Variants in HMCN1 observed in about 807,000 individuals in gnomAD.
The protein encoded by HMCN1 is hemicentin-1.
In HMCN1, 321 loss-of-function variants were observed where a neutral mutation model predicts 625.9. The ratio of observed to expected loss-of-function variants is 0.51; its 90% CI spans 0.47 to 0.56. HMCN1 has a LOEUF of 0.56. HMCN1 is among the 20% of genes least tolerant of loss of function. The pLI is 0.00. For missense variants in HMCN1, 6,588 were observed against 6,887.3 expected (o/e 0.96, Z 1.54); for synonymous variants, 2,425 against 2,417.6 (o/e 1.00, Z -0.09).
At chr1:185,874,545 G>A (rs1663814482) in intron 4 of HMCN1, among the ~76,000 whole-genome samples, 1 of 151,968 alleles carries the variant, frequency 6.6e-6, no homozygotes, top group African/African-American at 2.4e-5. Context: ...GAGATGGTAT[G>A]AGCTACTTTT....
chr1:185,839,528 A>T (rs1661359599), intron 1 of HMCN1, among the ~76,000 whole-genome samples: 1 of 152,178 alleles, frequency 6.6e-6, no homozygotes, highest in Admixed American at 6.5e-5. Flanking sequence ...ATGTCATCTT[A>T]CATTTAGGAT....
intron 20 of HMCN1, among the ~76,000 whole-genome samples, chr1:185,988,082 C>G (rs1652132880): frequency 6.6e-6 from 1 of 152,168 alleles, no homozygotes; most frequent in South Asian, 2.1e-4. Flanking sequence ...CCATTCAAGT[C>G]TCAAGTAGGT....
chr1:185,989,686 C>T, intron 21 of HMCN1, 39 bp downstream of exon 21: 3 of 1,598,534 alleles, frequency 1.9e-6, no homozygotes, highest in Non-Finnish European at 2.6e-6. Context: ...TTGACATTGT[C>T]TATCTGTGCC....
At chr1:186,130,124 A>C (rs1220441427) in intron 84 of HMCN1, 24 bp downstream of exon 84, 1 of 1,612,634 alleles carries the variant, frequency 6.2e-7, no homozygotes, top group Non-Finnish European at 8.5e-7. Flanking sequence ...CTCCATTTTT[A>C]ATTTATAATG....
chr1:186,108,703 A>G, intron 71 of HMCN1, 106 bp downstream of exon 71: 1 of 1,267,294 alleles, frequency 7.9e-7, no homozygotes, highest in Non-Finnish European at 1.1e-6. Context: ...ACATCAGGCT[A>G]CTAATTATTC....
At chr1:186,080,493 G>C (rs1022373541) in intron 55 of HMCN1, among the ~76,000 whole-genome samples, 2 of 152,076 alleles carry the variant, frequency 1.3e-5, no homozygotes, top group African/African-American at 4.8e-5. Flanking sequence ...CTAATGTGTA[G>C]CTGGATTCTA....
In HMCN1 at chr1:186,086,412, G is replaced by A. The variant is rs769831256; in HGVS notation, c.9046+5G>A. The stretch of plus-strand genomic sequence containing the variant: ...CAAATACTCTCATTGTGCCTGGTAA[G>A]GAACTTCTTATTATAAAGCAGGCAA... On this transcript the variant is annotated splice_donor_5th_base_variant and intron_variant, in intron 58 of 106. Coordinates refer to ENST00000271588, the MANE Select transcript of HMCN1 (RefSeq NM_031935.3). 5 of 1,612,614 alleles carry A rather than the reference G, an allele frequency of 3.1e-6. No individual in the cohort carries two copies. Among genetic ancestry groups the A allele is most frequent in the African/African-American group, 2.7e-5 (2 of 74,824 alleles).
At chr1:186,075,005 T>C in intron 53 of HMCN1, 114 bp downstream of exon 53, 1 of 875,264 alleles carries the variant, frequency 1.1e-6, no homozygotes, top group Non-Finnish European at 1.8e-6. Flanking sequence ...TAATATAAAT[T>C]CATGATTGAA....
At chr1:185,926,687 G>A (rs1304616936) in intron 9 of HMCN1, among the ~76,000 whole-genome samples, 2 of 152,104 alleles carry the variant, frequency 1.3e-5, no homozygotes, top group Admixed American at 6.5e-5. Flanking sequence ...ACAAAATTAG[G>A]CATGAGTGAT....
chr1:185,740,465 G>A (rs1404000977), intron 1 of HMCN1, among the ~76,000 whole-genome samples: 1 of 152,148 alleles, frequency 6.6e-6, no homozygotes, highest in Admixed American at 6.5e-5. Context: ...GACAGGTTCT[G>A]AGGATTTGGC....
At position 186,125,661 on chromosome 1, in the gene HMCN1, C is replaced by A; in HGVS notation, c.12557C>A (p.Ala4186Asp). 3 of 1,613,230 alleles carry A rather than the reference C, an allele frequency of 1.9e-6. No individual in the cohort carries two copies. Among genetic ancestry groups the A allele is most frequent in the Non-Finnish European group, 2.5e-6 (3 of 1,179,358 alleles). ...TACACGGTCAATGAGAATTCACAAG[C>A]CATTCTTCCATGCGTAGCTGATGGA... ...GHYTVNENSQ[A>D]ILPCVADGIP... Residue 4186 changes from alanine to aspartate, a missense_variant, in exon 82 of 107, where the codon GCC (alanine) becomes GAC (aspartate). This residue lies in a region of HMCN1 where 1,954 missense variants were observed against 2,013.1 expected (regional missense o/e 0.97). Coordinates refer to ENST00000271588, the MANE Select transcript of HMCN1 (RefSeq NM_031935.3).
At chr1:185,787,122 G>A (rs1156369325) in intron 1 of HMCN1, among the ~76,000 whole-genome samples, 1 of 150,854 alleles carries the variant, frequency 6.6e-6, no homozygotes, top group African/African-American at 2.4e-5. Context: ...AGAGAAAATT[G>A]TATGAAGCGC....
chr1:185,860,520 G>T (rs896840184), intron 2 of HMCN1, among the ~76,000 whole-genome samples: 1 of 151,938 alleles, frequency 6.6e-6, no homozygotes, highest in Non-Finnish European at 1.5e-5. Context: ...ATGTTGCCCA[G>T]GCTGGAAGGG....
At chr1:185,872,610 A>G (rs1270047522) in intron 4 of HMCN1, among the ~76,000 whole-genome samples, 1 of 152,064 alleles carries the variant, frequency 6.6e-6, no homozygotes, top group Non-Finnish European at 1.5e-5. Flanking sequence ...AAATATACCA[A>G]AAGTCAAGCA....
intron 15 of HMCN1, among the ~76,000 whole-genome samples, chr1:185,972,213 T>A (rs974802118): frequency 6.6e-6 from 1 of 152,194 alleles, no homozygotes; most frequent in Non-Finnish European, 1.5e-5. Flanking sequence ...CAGTAATTTT[T>A]CCCAACAAAA....
At chr1:185,989,169 G>A (rs1033045582) in intron 20 of HMCN1, among the ~76,000 whole-genome samples, 5 of 151,736 alleles carry the variant, frequency 3.3e-5, no homozygotes, top group South Asian at 2.1e-4. Context: ...CACCTCGCCC[G>A]GCTAATTTTT....
chr1:186,132,481 T>C, intron 86 of HMCN1, 72 bp downstream of exon 86: 1 of 1,223,160 alleles, frequency 8.2e-7, no homozygotes, highest in Admixed American at 2.0e-5. Flanking sequence ...ATTTATTTTC[T>C]TTAACTCTAT....
intron 1 of HMCN1, among the ~76,000 whole-genome samples, chr1:185,809,849 T>A (rs73072009): frequency 0.058 from 8,897 of 152,148 alleles, 874 homozygotes; most frequent in African/African-American, 0.2. Context: ...TCAAATTCTC[T>A]TCACTACCTA....
At chr1:185,859,613 A>G (rs1456297042) in intron 2 of HMCN1, among the ~76,000 whole-genome samples, 1 of 152,116 alleles carries the variant, frequency 6.6e-6, no homozygotes, top group East Asian at 1.9e-4. Flanking sequence ...GGTAGTGGCT[A>G]CTGTGTTAGT....
Sources: gnomAD v4.1 joint callset for allele counts (sites outside exome capture counted in the v4.1 genomes callset) on GRCh38, gnomAD v4.1.1 for gene constraint, gnomAD v4.1.1 regional missense constraint, MANE v1.5 for transcripts, NCBI Gene and HGNC (gene_info 2026-07-23, HGNC 2026-07-21) for gene names.